The following MAP2K4 variants were observed in gnomAD, a reference collection of about 807,000 sequenced individuals.
MAP2K4 encodes dual specificity mitogen-activated protein kinase kinase 4.
Under a neutral mutation model 48.5 loss-of-function variants are expected in MAP2K4, and 4 were observed. The ratio of observed to expected loss-of-function variants is 0.08; its 90% CI spans 0.04 to 0.19. The LOEUF is 0.19. Among genes scored for constraint, MAP2K4 ranks in the 10% least tolerant of loss-of-function variants. The pLI, the probability that MAP2K4 is intolerant of heterozygous loss-of-function variation, is 1.00. For synonymous variants in MAP2K4, 166 were observed against 173.1 expected, an observed-to-expected ratio of 0.96 and a Z score of 0.32; for missense variants, 258 against 493.3, an observed-to-expected ratio of 0.52 and a Z score of 4.52.
intron 2 of MAP2K4, among the ~76,000 whole-genome samples, chr17:12,073,110 C>A (rs1970873468): frequency 6.6e-6 from 1 of 152,016 alleles, no homozygotes; most frequent in Non-Finnish European, 1.5e-5. Flanking sequence ...GACTTAACTC[C>A]CTATAGGATC....
rs75274938 is a variant in MAP2K4 at position 12,133,771 on chromosome 17, C to G, written c.1040+4484C>G. ...GTGCAGAGGGGAATATAAAAAGTCA[C>G]TAGGACGATATAAGACCCATATACA... On this transcript the variant is annotated intron_variant, in intron 9 of 10. Transcript: ENST00000353533. Among the ~76,000 whole-genome samples, 951 of 152,298 alleles carry G rather than the reference C, an allele frequency of 6.2e-3. 2 individuals are homozygous for G. The highest frequency in any genetic ancestry group is 0.036 in the East Asian group (188 of 5,190).
chr17:12,118,365 T>C (rs1162667364), intron 7 of MAP2K4, among the ~76,000 whole-genome samples: 1 of 152,156 alleles, frequency 6.6e-6, no homozygotes, highest in Non-Finnish European at 1.5e-5. Flanking sequence ...TATAAATCTA[T>C]AGGAGGCAAA....
At chr17:12,060,599 A>G (rs1297805330) in intron 2 of MAP2K4, among the ~76,000 whole-genome samples, 1 of 152,208 alleles carries the variant, frequency 6.6e-6, no homozygotes, top group Non-Finnish European at 1.5e-5. Context: ...TTTTTGAAGC[A>G]ATCATGATAC....
At chr17:12,105,636 C>T (rs1972085181) in intron 4 of MAP2K4, among the ~76,000 whole-genome samples, 1 of 151,988 alleles carries the variant, frequency 6.6e-6, no homozygotes, top group Admixed American at 6.6e-5. Flanking sequence ...AGTCATGCTG[C>T]TGTCACTACC....
At chr17:12,033,135 CA>C (rs550568803) in intron 1 of MAP2K4, among the ~76,000 whole-genome samples, 34 of 144,996 alleles carry the variant, frequency 2.3e-4, no homozygotes, top group Middle Eastern at 7.1e-3. Flanking sequence ...TGTACCCGGC[CA>C]AAAAAAAAAT....
chr17:12,077,199 T>C (rs1272545505), intron 2 of MAP2K4, among the ~76,000 whole-genome samples: 1 of 152,196 alleles, frequency 6.6e-6, no homozygotes, highest in Non-Finnish European at 1.5e-5. Flanking sequence ...GGAAATACTT[T>C]TGGCCTGTTG....
At chr17:12,102,459 G>C (rs562323794) in intron 4 of MAP2K4, among the ~76,000 whole-genome samples, 1 of 151,956 alleles carries the variant, frequency 6.6e-6, no homozygotes, top group Admixed American at 6.6e-5. Flanking sequence ...TAAAATTTTT[G>C]TATCTATGAG....
At chr17:12,110,837 G>A (rs1372323903) in intron 6 of MAP2K4, 1 of 162,098 alleles carries the variant, frequency 6.2e-6, no homozygotes, top group Non-Finnish European at 1.3e-5. Flanking sequence ...TCACATTAGA[G>A]GATGTTTCTA....
chr17:12,106,304 A>G (rs1442418735), intron 4 of MAP2K4, among the ~76,000 whole-genome samples: 5 of 152,162 alleles, frequency 3.3e-5, no homozygotes, highest in South Asian at 2.1e-4. Context: ...AGCCATTCTC[A>G]TAGATCACTC....
chr17:12,070,201 G>T (rs2151538924), intron 2 of MAP2K4, among the ~76,000 whole-genome samples: 1 of 151,926 alleles, frequency 6.6e-6, no homozygotes, highest in East Asian at 1.9e-4. Context: ...GGCACAAGAA[G>T]ATATTTATTT....
intron 9 of MAP2K4, among the ~76,000 whole-genome samples, chr17:12,135,289 G>T (rs1172455612): frequency 6.6e-6 from 1 of 152,124 alleles, no homozygotes; most frequent in African/African-American, 2.4e-5. Context: ...GTTTCTCCAT[G>T]TTGGTCAGGT....
At chr17:12,134,283 C>T (rs1443436132) in intron 9 of MAP2K4, among the ~76,000 whole-genome samples, 4 of 152,014 alleles carry the variant, frequency 2.6e-5, no homozygotes, top group Admixed American at 6.6e-5. Flanking sequence ...TTCAGTGATT[C>T]GGAGAATTGT....
intron 9 of MAP2K4, among the ~76,000 whole-genome samples, chr17:12,132,610 G>GAA (rs920140357): frequency 1.4e-4 from 19 of 138,730 alleles, no homozygotes; most frequent in African/African-American, 4.7e-4. Context: ...TTTTCCTAAG[G>GAA]AAAAAAAAAA....
chr17:12,125,159 C>A, intron 7 of MAP2K4, 135 bp from the exon 8 acceptor site: 1 of 671,714 alleles, frequency 1.5e-6, no homozygotes, highest in Non-Finnish European at 2.7e-6. Flanking sequence ...CTTCCTATTA[C>A]TTCCATTCTG....
intron 1 of MAP2K4, among the ~76,000 whole-genome samples, chr17:12,044,581 A>C (rs543487741): frequency 6.6e-6 from 1 of 152,236 alleles, no homozygotes. Flanking sequence ...TTCACACCAT[A>C]CAACAATCAA....
At chr17:12,053,061 ACT>A (rs1225125494) in intron 1 of MAP2K4, among the ~76,000 whole-genome samples, 2 of 152,152 alleles carry the variant, frequency 1.3e-5, no homozygotes, top group Middle Eastern at 3.4e-3. Flanking sequence ...CATGGGTAAA[ACT>A]CTGAGTATTA....
At chr17:12,132,840 A>G (rs1220626522) in intron 9 of MAP2K4, among the ~76,000 whole-genome samples, 1 of 152,140 alleles carries the variant, frequency 6.6e-6, no homozygotes, top group Non-Finnish European at 1.5e-5. Flanking sequence ...GTATTTATGG[A>G]CCTTAAAGCT....
Position 12,106,460 on chromosome 17 carries a change from G to A in MAP2K4, c.514-1330G>A, listed in dbSNP as rs559429294. On this transcript the variant is annotated intron_variant, in intron 4 of 10. Transcript: ENST00000353533. ...TAGAAAGTGGTCCTTTTGTAAGAGT[G>A]CATGGCAAACGTTGATAGAAGAAAC... 4.6e-5 allele frequency among the ~76,000 whole-genome samples: 7 copies of A among 152,260 alleles called. No individual in the cohort carries two copies. In the South Asian group the frequency reaches 1.4e-3, roughly 32 times the overall value.
chr17:12,045,682 C>G (rs939108579), intron 1 of MAP2K4, among the ~76,000 whole-genome samples: 3 of 152,114 alleles, frequency 2.0e-5, no homozygotes, highest in Admixed American at 2.0e-4. Context: ...TTGGGGTGCT[C>G]ATGAGGAGCT....
Sources: allele counts gnomAD v4.1 joint callset (sites outside exome capture counted in the v4.1 genomes callset), GRCh38; gene constraint gnomAD v4.1.1; transcripts MANE v1.5; gene names NCBI Gene and HGNC (gene_info 2026-07-23, HGNC 2026-07-21).